F8: variants seen among roughly 807,000 people sequenced by gnomAD.
F8 encodes the protein antihemophilic factor.
A neutral mutation model predicts 140.6 loss-of-function variants in F8; 12 were observed. The observed-to-expected ratio is 0.09, with a 90% CI of 0.05 to 0.14. The LOEUF (loss-of-function observed/expected upper bound fraction) is 0.14, where lower values mean the gene tolerates loss of function less well. Among genes scored for constraint, F8 ranks in the 10% least tolerant of loss-of-function variants. The probability of loss-of-function intolerance (pLI) is 1.00; values close to 1 mark genes in which losing one functional copy is unlikely to be tolerated. For missense variants in F8, 1,354 were observed against 1,720.7 expected, an observed-to-expected ratio of 0.79 and a Z score of 3.77; for synonymous variants, 585 against 614.6, an observed-to-expected ratio of 0.95 and a Z score of 0.71.
At chrX:154,867,074 C>T (rs1160711678) in intron 22 of F8, among the ~76,000 whole-genome samples, 1 of 111,473 alleles carries the variant, frequency 9.0e-6, no homozygotes, top group Admixed American at 9.5e-5. Flanking sequence ...TAAGTGTCAA[C>T]AAATTGGTTA....
intron 4 of F8, among the ~76,000 whole-genome samples, chrX:154,988,635 A>G (rs1382969634): frequency 1.8e-5 from 2 of 111,951 alleles, no homozygotes; most frequent in Non-Finnish European, 3.8e-5. Context: ...AGCAAATCAT[A>G]CCCTAGAATG....
intron 1 of F8, among the ~76,000 whole-genome samples, chrX:155,009,807 G>A (rs1557286412): frequency 3.6e-5 from 4 of 111,685 alleles, no homozygotes; most frequent in African/African-American, 1.3e-4. Context: ...TATAAAATAT[G>A]TTATAGAGCA....
chrX:154,878,309 A>C (rs1201491425), intron 22 of F8, among the ~76,000 whole-genome samples: 1 of 110,186 alleles, frequency 9.1e-6, no homozygotes, highest in Non-Finnish European at 1.9e-5. Flanking sequence ...GGTTCAACAT[A>C]AGACAATCAA....
intron 7 of F8, 109 bp downstream of exon 7, chrX:154,969,222 A>T: frequency 1.3e-6 from 1 of 747,156 alleles, no homozygotes; most frequent in Non-Finnish European, 2.0e-6. Flanking sequence ...CAGTAACTCT[A>T]TAATGTCCCC....
chrX:154,912,145 AG>A (rs1311360290), intron 14 of F8, among the ~76,000 whole-genome samples: 4 of 112,083 alleles, frequency 3.6e-5, no homozygotes, highest in Non-Finnish European at 7.5e-5. Context: ...CCCATCCTGT[AG>A]GTTGTCCCTT....
At chrX:154,858,723 G>T (rs1275001025) in intron 25 of F8, among the ~76,000 whole-genome samples, 2 of 112,330 alleles carry the variant, frequency 1.8e-5, no homozygotes, top group Non-Finnish European at 3.8e-5. Context: ...ATGGGTAGTA[G>T]AAGAAGGTAG....
intron 14 of F8, among the ~76,000 whole-genome samples, chrX:154,921,382 C>G (rs5987058): frequency 4.4e-4 from 49 of 111,670 alleles, no homozygotes; most frequent in African/African-American, 1.0e-3. Context: ...GGAAACAACA[C>G]GTGCTGGAGA....
intron 3 of F8, among the ~76,000 whole-genome samples, chrX:154,994,703 C>G (rs975002049): frequency 1.8e-5 from 2 of 111,925 alleles, no homozygotes; most frequent in East Asian, 5.6e-4. Context: ...TAATATCTGG[C>G]CATCCCATCC....
rs942909873 is a variant in F8, at chrX:154,931,640, C to A, written c.2150G>T (p.Arg717Leu). The change falls in exon 14 of 26, where the codon CGG becomes CTG. Residue 717 changes from arginine to leucine, a missense_variant. This residue lies in a region of F8 where 252 missense variants were observed against 338.5 expected (regional missense o/e 0.74). Transcript: ENST00000360256. ...CAGTAAGGCGGTCATGCCTCTGTTC[C>A]GAAAGTCTGAGTTGTGGCACCCCAG... ...WILGCHNSDFRNRGMTALLKV... is the reference protein window; with the variant it reads ...WILGCHNSDFLNRGMTALLKV... 2 of 1,211,316 alleles carry A rather than the reference C, an allele frequency of 1.7e-6. No individual in the cohort carries two copies. The highest frequency in any genetic ancestry group is 2.2e-6 in the Non-Finnish European group (2 of 895,238).
rs191008476 is a variant in F8 at position 154,930,186 on chromosome X, G to T, written c.3604C>A (p.His1202Asn). The T allele has an allele frequency of 1.7e-6, 2 of 1,205,182 alleles. No individual in the cohort carries two copies. The highest frequency in any genetic ancestry group is 2.2e-6 in the Non-Finnish European group (2 of 893,085). The change falls in exon 14 of 26, where the codon CAT (histidine) becomes AAT (asparagine). Residue 1202 changes from histidine (H) to asparagine (N), a missense_variant. His to Asn is a moderately conservative substitution (Grantham distance 68). Transcript: ENST00000360256. ...TCTTGATTGTGTGTATTATTTTCAT[G>T]TAAATTATCCAAGTTAGTAAGAAAT... is the stretch of plus-strand genomic sequence containing the variant. Reference protein sequence around the residue: ...NLFLTNLDNLHENNTHNQEKK... With the variant: ...NLFLTNLDNLNENNTHNQEKK...
At chrX:154,942,377 T>C (rs2073272734) in intron 13 of F8, among the ~76,000 whole-genome samples, 1 of 109,128 alleles carries the variant, frequency 9.2e-6, no homozygotes, top group Non-Finnish European at 1.9e-5. Flanking sequence ...CATCAGAGAA[T>C]ACTACAAACA....
At position 154,984,746 on chromosome X, in the gene F8, G is replaced by C. The variant is rs1178203514; in HGVS notation, c.728C>G (p.Ser243Cys). 8.3e-7 allele frequency: 1 copy of C among 1,209,859 alleles called. No individual in the cohort carries two copies. The highest frequency in any genetic ancestry group is 1.1e-6 in the Non-Finnish European group (1 of 895,112). ...GTGCATTTTAGGCCAGGCCCGAGCA[G>C]ATGCAGCATCCCTATCCTGCATCAA... is the stretch of plus-strand genomic sequence containing the variant. ...NSLMQDRDAASARAWPKMHTV... is the reference protein window; with the variant it reads ...NSLMQDRDAACARAWPKMHTV... Residue 243 changes from serine (S) to cysteine (C), a missense_variant, in exon 6 of 26, where the codon TCT becomes TGT. This residue lies in a region of F8 where 128 missense variants were observed against 230.4 expected (regional missense o/e 0.56). Transcript: ENST00000360256.
In F8 at chrX:154,947,686, A is replaced by T. The variant is rs2073313670; in HGVS notation, c.2113+12T>A. 2 of 1,195,139 alleles carry T rather than the reference A, an allele frequency of 1.7e-6. No individual in the cohort carries two copies. The highest frequency in any genetic ancestry group is 5.9e-5 in the East Asian group (2 of 33,793). Reference sequence around the variant, plus strand: ...TCACAGCTGTTGGTACAAGAAAAATATAATAACTAACCTGGGTTTTCCATC... The same window carrying T: ...TCACAGCTGTTGGTACAAGAAAAATTTAATAACTAACCTGGGTTTTCCATC... On this transcript the variant is annotated intron_variant, in intron 13 of 25. Transcript: ENST00000360256.
Position 154,837,389 on chromosome X carries a change from G to T in F8, c.*208C>A, listed in dbSNP as rs2072481764. On this transcript the variant is annotated 3_prime_UTR_variant, in exon 26 of 26. Transcript: ENST00000360256. Reference sequence around the variant, plus strand: ...AAGGAGTAATCTGGGAGCAGCTGCAGAAAATAGGTAAGAGTTAAGTTAAAT... The same window carrying T: ...AAGGAGTAATCTGGGAGCAGCTGCATAAAATAGGTAAGAGTTAAGTTAAAT... 2.3e-6 allele frequency: 1 copy of T among 437,692 alleles called. No individual in the cohort carries two copies. The highest frequency in any genetic ancestry group is 3.7e-5 in the South Asian group (1 of 27,377). 36.1% of individuals were successfully genotyped at this position (437,692 alleles called of 1,213,427 possible).
chrX:154,935,532 T>G (rs942268907), intron 13 of F8, among the ~76,000 whole-genome samples: 11 of 111,684 alleles, frequency 9.8e-5, no homozygotes, highest in African/African-American at 3.6e-4. Context: ...ACACAAAAAT[T>G]TATTCAAACT....
intron 22 of F8, among the ~76,000 whole-genome samples, chrX:154,875,617 C>G (rs1390999478): frequency 9.0e-6 from 1 of 111,515 alleles, no homozygotes; most frequent in Non-Finnish European, 1.9e-5. Flanking sequence ...AGACCCTTAG[C>G]TGTTTCATAA....
At chrX:154,940,282 A>G (rs2073252506) in intron 13 of F8, among the ~76,000 whole-genome samples, 1 of 111,820 alleles carries the variant, frequency 8.9e-6, no homozygotes, top group Non-Finnish European at 1.9e-5. Context: ...AATTAGACGA[A>G]TGGACAACTA....
intron 3 of F8, among the ~76,000 whole-genome samples, chrX:154,994,688 G>A (rs73567728): frequency 0.16 from 18,304 of 111,136 alleles, 1,238 homozygotes; most frequent in South Asian, 0.31. Context: ...CATATCAGGG[G>A]CAGATAATAT....
intron 22 of F8, among the ~76,000 whole-genome samples, chrX:154,870,439 C>G (rs1225285908): frequency 8.9e-6 from 1 of 111,911 alleles, no homozygotes; most frequent in Non-Finnish European, 1.9e-5. Context: ...GAACCAATGA[C>G]AAAAACCACA....
Sources: allele counts gnomAD v4.1 joint callset (sites outside exome capture counted in the v4.1 genomes callset), GRCh38; gene constraint gnomAD v4.1.1; regional missense constraint gnomAD v4.1.1; transcripts MANE v1.5; gene names NCBI Gene and HGNC (gene_info 2026-07-23, HGNC 2026-07-21).